Variants in PTTG1 observed in about 807,000 individuals in gnomAD.
The protein encoded by PTTG1 is securin.
PTTG1 carries 8 observed loss-of-function variants against 20.0 expected under a neutral mutation model. That is an observed-to-expected ratio of 0.40 (90% CI 0.23 to 0.72). PTTG1 has a LOEUF of 0.72. Ranked by LOEUF, PTTG1 falls within the 30% of genes least tolerant of loss-of-function variation. The pLI, the probability that PTTG1 is intolerant of heterozygous loss-of-function variation, is 0.38. For missense variants in PTTG1, 197 were observed against 236.0 expected, an observed-to-expected ratio of 0.83 and a Z score of 1.08; for synonymous variants, 79 against 87.2, an observed-to-expected ratio of 0.91 and a Z score of 0.52.
At chr5:160,426,095 C>T (rs537929522) in intron 4 of PTTG1, among the ~76,000 whole-genome samples, 1 of 152,198 alleles carries the variant, frequency 6.6e-6, no homozygotes, top group South Asian at 2.1e-4. Context: ...CCCTTTTACA[C>T]TCTTAGAAAT....
chr5:160,424,142 T>G, intron 3 of PTTG1, 95 bp from the exon 4 acceptor site: 1 of 831,518 alleles, frequency 1.2e-6, no homozygotes, highest in Non-Finnish European at 1.9e-6. Flanking sequence ...GGATTATGGC[T>G]TCTTAGAAGG....
chr5:160,422,210 G>T, intron 1 of PTTG1, 92 bp from the exon 2 acceptor site: 2 of 873,638 alleles, frequency 2.3e-6, no homozygotes, highest in Admixed American at 2.1e-5. Flanking sequence ...TGTTTTTTGT[G>T]TGGACACTCC....
intron 5 of PTTG1, 133 bp downstream of exon 5, chr5:160,428,006 T>C: frequency 8.6e-7 from 1 of 1,166,256 alleles, no homozygotes; most frequent in Admixed American, 2.7e-5. Flanking sequence ...GGATTAGTTT[T>C]CAGAAAAATA....
At chr5:160,422,530 T>C (rs1765734032) in intron 2 of PTTG1, 127 bp downstream of exon 2, 1 of 950,982 alleles carries the variant, frequency 1.1e-6, no homozygotes, top group Admixed American at 2.1e-5. Flanking sequence ...ATTTTTAATA[T>C]CTTAATGAGA....
intron 4 of PTTG1, among the ~76,000 whole-genome samples, chr5:160,425,591 A>G (rs1765789876): frequency 6.6e-6 from 1 of 152,230 alleles, no homozygotes; most frequent in Non-Finnish European, 1.5e-5. Flanking sequence ...TGTTGTGTGT[A>G]TGGTGAACAT....
At chr5:160,425,697 C>T (rs530145306) in intron 4 of PTTG1, among the ~76,000 whole-genome samples, 1 of 152,228 alleles carries the variant, frequency 6.6e-6, no homozygotes, top group East Asian at 1.9e-4. Context: ...AAAATTAGCT[C>T]CCCTTATATT....
chr5:160,423,943 C>G (rs955786514), intron 3 of PTTG1, among the ~76,000 whole-genome samples: 2 of 152,222 alleles, frequency 1.3e-5, no homozygotes, highest in African/African-American at 2.4e-5. Flanking sequence ...CTGGGTGATT[C>G]ATGCCCATTT....
rs199748226 is a variant in PTTG1, at chr5:160,428,706, G to T, written c.*25G>T. 3.1e-5 allele frequency: 49 copies of T among 1,583,358 alleles called. No individual in the cohort carries two copies. The African/African-American group carries it at 5.5e-4, about 18-fold the overall frequency. ...AATTTCTTAGTGCTTCAGAGTTTGT[G>T]TGTATTTGTATTAATAAAGCATTCT... On this transcript the variant is annotated 3_prime_UTR_variant, in exon 6 of 6. Coordinates refer to ENST00000352433, the MANE Select transcript of PTTG1 (RefSeq NM_004219.4).
intron 4 of PTTG1, 75 bp downstream of exon 4, chr5:160,424,405 A>T: frequency 9.2e-7 from 1 of 1,087,284 alleles, no homozygotes; most frequent in Non-Finnish European, 1.4e-6. Flanking sequence ...GTAACTTGTT[A>T]TGAATATAAT....
rs757429823 is a variant in PTTG1, at chr5:160,422,591, C to T, written c.92-118C>T. On this transcript the variant is annotated intron_variant, in intron 2 of 5. Transcript: ENST00000352433. The stretch of plus-strand genomic sequence containing the variant: ...TGCTATTAGGCCTATCATAGCCATG[C>T]CACTACCAAAAGTGGGGGGTGGGTT... The T allele has an allele frequency of 3.3e-6, 4 of 1,198,802 alleles. No homozygotes were observed. In the Admixed American group the frequency reaches 5.5e-5, roughly 16 times the overall value. The allele number at this position is 1,198,802 out of a possible 1,614,324, so 74.3% of individuals were successfully genotyped here.
Position 160,422,337 on chromosome 5 carries a change from A to C in PTTG1, c.25A>C (p.Lys9Gln). The C allele has an allele frequency of 6.2e-7, 1 of 1,613,956 alleles. No individual in the cohort carries two copies. The highest frequency in any genetic ancestry group is 8.5e-7 in the Non-Finnish European group (1 of 1,179,906). Residue 9 changes from lysine to glutamine, a missense_variant, in exon 2 of 6, where the codon AAG (lysine) becomes CAG (glutamine). Physicochemically the swap from Lys to Gln is moderately conservative, Grantham distance 53. Coordinates refer to ENST00000352433, the MANE Select transcript of PTTG1 (RefSeq NM_004219.4). MATLIYVDKENGEPGTRVV... is the reference protein window; with the variant it reads MATLIYVDQENGEPGTRVV... The stretch of plus-strand genomic sequence containing the variant: ...AATGGCTACTCTGATCTATGTTGAT[A>C]AGGAAAATGGAGAACCAGGCACCCG...
At position 160,427,830 on chromosome 5, in the gene PTTG1, C is replaced by T. The variant is rs751144118; in HGVS notation, c.486C>T (p.Gly162=). Residue 162 remains glycine, a synonymous_variant, in exon 5 of 6, where the codon GGC becomes GGT. Coordinates refer to ENST00000352433, the MANE Select transcript of PTTG1 (RefSeq NM_004219.4). ...AGCTTGAAAAGCTGTTTCAGCTGGG[C>T]CCCCCTTCACCTGTGAAGATGCCCT... ...ERELEKLFQL[G]PPSPVKMPSP... is the part of the protein sequence containing the mutation. 5.6e-6 allele frequency: 9 copies of T among 1,614,006 alleles called. No homozygotes were observed. Among genetic ancestry groups the T allele is most frequent in the Middle Eastern group, 1.6e-4 (1 of 6,084 alleles).
Position 160,424,286 on chromosome 5 carries a change from A to T in PTTG1, c.326A>T (p.Asp109Val). The part of the protein sequence containing the change: ...KAKSSVPASD[D>V]AYPEIEKFFP... ...AAAAGCTCTGTTCCTGCCTCAGATG[A>T]TGCCTATCCAGAAATAGAAAAATTC... The change falls in exon 4 of 6, where the codon GAT (aspartate) becomes GTT (valine). Residue 109 changes from aspartate (D) to valine (V), a missense_variant. By Grantham distance (152) the Asp-to-Val change is radical. Coordinates refer to ENST00000352433, the MANE Select transcript of PTTG1 (RefSeq NM_004219.4). The T allele has an allele frequency of 6.2e-7, 1 of 1,612,826 alleles. No individual in the cohort carries two copies. The highest frequency in any genetic ancestry group is 8.5e-7 in the Non-Finnish European group (1 of 1,179,000).
Position 160,422,826 on chromosome 5 carries a change from C to T in PTTG1, c.209C>T (p.Ala70Val). ...AAGGCTTTGGGAACTGTCAACAGAG[C>T]TACAGAAAAGTCTGTAAAGACCAAG... Reference protein sequence around the residue: ...TRKALGTVNRATEKSVKTKGP... With the variant: ...TRKALGTVNRVTEKSVKTKGP... The change falls in exon 3 of 6, where the codon GCT becomes GTT. Residue 70 changes from alanine to valine, a missense_variant. By Grantham distance (64) the Ala-to-Val change is moderately conservative. Transcript: ENST00000352433. 6.2e-7 allele frequency: 1 copy of T among 1,614,140 alleles called. No individual in the cohort carries two copies.
At chr5:160,426,176 A>G (rs963918553) in intron 4 of PTTG1, among the ~76,000 whole-genome samples, 3 of 152,168 alleles carry the variant, frequency 2.0e-5, no homozygotes, top group Non-Finnish European at 4.4e-5. Context: ...GAAACTTAAG[A>G]TATTTATTCA....
At chr5:160,422,945 T>G in intron 3 of PTTG1, 52 bp downstream of exon 3, 24 of 1,558,912 alleles carry the variant, frequency 1.5e-5, no homozygotes, top group Non-Finnish European at 2.1e-5. Context: ...CTTTTGACTC[T>G]TAAAATGACT....
At chr5:160,427,664 G>A in intron 4 of PTTG1, 51 bp from the exon 5 acceptor site, 3 of 1,586,222 alleles carry the variant, frequency 1.9e-6, no homozygotes, top group South Asian at 2.3e-5. Flanking sequence ...GGGATCTACA[G>A]CCCACACTAA....
In PTTG1 at chr5:160,422,381, G is replaced by C; in HGVS notation, c.69G>C (p.Gly23=). The C allele has an allele frequency of 6.2e-7, 1 of 1,614,068 alleles. No homozygotes were observed. Among genetic ancestry groups the C allele is most frequent in the Non-Finnish European group, 8.5e-7 (1 of 1,179,956 alleles). The change falls in exon 2 of 6, where the codon GGG becomes GGC. Residue 23 remains glycine (G), a synonymous_variant. Coordinates refer to ENST00000352433, the MANE Select transcript of PTTG1 (RefSeq NM_004219.4). ...EPGTRVVAKD[G]LKLGSGPSIK... The stretch of plus-strand genomic sequence containing the variant: ...GCACCCGTGTGGTTGCTAAGGATGG[G>C]CTGAAGCTGGGGTCTGGACCTTGTA...
In PTTG1 at chr5:160,422,818, C is replaced by T. The variant is rs765285612; in HGVS notation, c.201C>T (p.Val67=). 4 of 1,614,166 alleles carry T rather than the reference C, an allele frequency of 2.5e-6. No homozygotes were observed. ...CTACTAGAAAGGCTTTGGGAACTGT[C>T]AACAGAGCTACAGAAAAGTCTGTAA... ...PKATRKALGT[V]NRATEKSVKT... Residue 67 remains valine (V), a synonymous_variant, in exon 3 of 6, where the codon GTC becomes GTT. Coordinates refer to ENST00000352433, the MANE Select transcript of PTTG1 (RefSeq NM_004219.4).
Sources: gnomAD v4.1 joint callset for allele counts (sites outside exome capture counted in the v4.1 genomes callset) on GRCh38, gnomAD v4.1.1 for gene constraint, MANE v1.5 for transcripts, NCBI Gene and HGNC (gene_info 2026-07-23, HGNC 2026-07-21) for gene names.